ARHGAP24: variants seen among roughly 807,000 people sequenced by gnomAD.
ARHGAP24 encodes the protein Rho GTPase activating protein 24.
A neutral mutation model predicts 76.4 loss-of-function variants in ARHGAP24; 50 were observed. The observed-to-expected ratio is 0.65, with a 90% CI of 0.52 to 0.83. The LOEUF (loss-of-function observed/expected upper bound fraction) is 0.83, where lower values mean the gene tolerates loss of function less well. ARHGAP24 is among the 40% of genes least tolerant of loss of function. The pLI is 0.00. For synonymous variants in ARHGAP24, 345 were observed against 323.3 expected (o/e 1.07, Z -0.72); for missense variants, 930 against 914.2 (o/e 1.02, Z -0.22).
chr4:85,514,375 C>A (rs186632303), intron 1 of ARHGAP24, among the ~76,000 whole-genome samples: 19 of 152,242 alleles, frequency 1.2e-4, no homozygotes, highest in Middle Eastern at 6.8e-3. Context: ...TCACTTTAAT[C>A]TACTTTCACT....
At chr4:85,882,006 G>A (rs2148769295) in intron 3 of ARHGAP24, among the ~76,000 whole-genome samples, 1 of 152,224 alleles carries the variant, frequency 6.6e-6, no homozygotes, top group Non-Finnish European at 1.5e-5. Flanking sequence ...AAAGGAAAAT[G>A]TCCAAAGAAA....
chr4:85,848,547 T>C (rs1353188030), intron 3 of ARHGAP24, among the ~76,000 whole-genome samples: 2 of 152,210 alleles, frequency 1.3e-5, no homozygotes, highest in Non-Finnish European at 1.5e-5. Context: ...TATTCCATGG[T>C]GTATATGTGC....
At position 85,920,461 on chromosome 4, in the gene ARHGAP24, T is replaced by C. The variant is rs184398346; in HGVS notation, c.269-3187T>C. On this transcript the variant is annotated intron_variant, in intron 3 of 9. Coordinates refer to ENST00000395184, the MANE Select transcript of ARHGAP24 (RefSeq NM_001025616.3). The stretch of plus-strand genomic sequence containing the variant: ...AACCTAGGCAATACCATTCAGGACA[T>C]AGACACAGGCAAAGATTTCATGATG... Among the ~76,000 whole-genome samples the C allele has an allele frequency of 9.4e-4, 143 of 152,282 alleles. 1 individual carries two copies. The highest frequency in any genetic ancestry group is 8.0e-3 in the Admixed American group (123 of 15,300).
intron 2 of ARHGAP24, among the ~76,000 whole-genome samples, chr4:85,592,769 A>G (rs1392253917): frequency 6.6e-6 from 1 of 152,168 alleles, no homozygotes; most frequent in Non-Finnish European, 1.5e-5. Flanking sequence ...GGCTTATTTC[A>G]CTTAACATAA....
intron 1 of ARHGAP24, among the ~76,000 whole-genome samples, chr4:85,550,111 A>G (rs1726069811): frequency 6.6e-6 from 1 of 152,170 alleles, no homozygotes; most frequent in Non-Finnish European, 1.5e-5. Flanking sequence ...TCCTTTGGGT[A>G]TGTACTCAAT....
At chr4:85,786,811 T>G (rs1217819429) in intron 3 of ARHGAP24, among the ~76,000 whole-genome samples, 1 of 152,204 alleles carries the variant, frequency 6.6e-6, no homozygotes, top group African/African-American at 2.4e-5. Flanking sequence ...CTTTCTCACC[T>G]TTGTATGGTT....
At chr4:85,853,980 C>T (rs71599430) in intron 3 of ARHGAP24, among the ~76,000 whole-genome samples, 1 of 141,438 alleles carries the variant, frequency 7.1e-6, no homozygotes, top group East Asian at 1.9e-4. Flanking sequence ...CAAAAAAAAA[C>T]CCCAATTAGC....
At chr4:85,616,088 A>G (rs1292913625) in intron 2 of ARHGAP24, among the ~76,000 whole-genome samples, 1 of 152,208 alleles carries the variant, frequency 6.6e-6, no homozygotes. Flanking sequence ...TTTAATAAGC[A>G]CAAGCTGCTA....
At chr4:85,668,731 C>T (rs1481490231) in intron 2 of ARHGAP24, among the ~76,000 whole-genome samples, 1 of 152,076 alleles carries the variant, frequency 6.6e-6, no homozygotes, top group Non-Finnish European at 1.5e-5. Context: ...CATGATAGGC[C>T]TCATGATCCA....
At chr4:85,801,610 C>T (rs1018709924) in intron 3 of ARHGAP24, among the ~76,000 whole-genome samples, 2 of 152,192 alleles carry the variant, frequency 1.3e-5, no homozygotes, top group African/African-American at 4.8e-5. Flanking sequence ...AAGTGGATTG[C>T]TGAGACTGTT....
chr4:85,805,827 TA>T (rs1728766089), intron 3 of ARHGAP24, among the ~76,000 whole-genome samples: 1 of 152,200 alleles, frequency 6.6e-6, no homozygotes, highest in African/African-American at 2.4e-5. Flanking sequence ...TAGCAGTGCC[TA>T]AACCCTTGGC....
intron 1 of ARHGAP24, among the ~76,000 whole-genome samples, chr4:85,531,960 A>C (rs1905033): frequency 2.6e-5 from 4 of 152,026 alleles, no homozygotes; most frequent in African/African-American, 9.7e-5. Context: ...GACTTACAGC[A>C]CTCCTCAGGG....
chr4:85,747,274 T>C (rs1197280703), intron 3 of ARHGAP24, among the ~76,000 whole-genome samples: 1 of 152,206 alleles, frequency 6.6e-6, no homozygotes, highest in Non-Finnish European at 1.5e-5. Flanking sequence ...GTAGAAAGTA[T>C]CTTGTATAGC....
chr4:85,480,321 GT>G (rs538026267), intron 1 of ARHGAP24, among the ~76,000 whole-genome samples: 73 of 152,024 alleles, frequency 4.8e-4, no homozygotes, highest in African/African-American at 1.7e-3. Context: ...TAACTAGTGG[GT>G]TTTTTTGGTT....
intron 3 of ARHGAP24, chr4:85,723,239 G>T (rs1358784935): frequency 2.0e-5 from 3 of 152,194 alleles, no homozygotes; most frequent in African/African-American, 7.2e-5. Context: ...AATCAGCGTG[G>T]TATTGAACTG....
intron 2 of ARHGAP24, among the ~76,000 whole-genome samples, chr4:85,640,198 G>T (rs1254266110): frequency 2.0e-5 from 3 of 152,268 alleles, no homozygotes; most frequent in East Asian, 3.9e-4. Context: ...GTACCAGACA[G>T]CTATTAATAG....
intron 3 of ARHGAP24, among the ~76,000 whole-genome samples, chr4:85,833,707 T>C (rs1388214375): frequency 1.3e-5 from 2 of 152,210 alleles, no homozygotes; most frequent in Non-Finnish European, 2.9e-5. Flanking sequence ...TTTTAAACTT[T>C]TAAAATTTAG....
intron 3 of ARHGAP24, among the ~76,000 whole-genome samples, chr4:85,857,116 A>C (rs80101876): frequency 0.041 from 6,298 of 152,260 alleles, 447 homozygotes; most frequent in African/African-American, 0.14. Context: ...TTCAACAAGA[A>C]TTTATTAAGC....
At chr4:85,885,150 A>G (rs1733486763) in intron 3 of ARHGAP24, among the ~76,000 whole-genome samples, 1 of 152,124 alleles carries the variant, frequency 6.6e-6, no homozygotes, top group Non-Finnish European at 1.5e-5. Flanking sequence ...TTTAGGATTT[A>G]GTTTCTTTTT....
Sources: gnomAD v4.1 joint callset for allele counts (sites outside exome capture counted in the v4.1 genomes callset) on GRCh38, gnomAD v4.1.1 for gene constraint, MANE v1.5 for transcripts, NCBI Gene and HGNC (gene_info 2026-07-23, HGNC 2026-07-21) for gene names.